SS18L1: variants seen among roughly 807,000 people sequenced by gnomAD.
SS18L1 encodes the protein SS18L1 subunit of BAF chromatin remodeling complex.
SS18L1 carries 32 observed loss-of-function variants against 70.3 expected under a neutral mutation model. That is an observed-to-expected ratio of 0.46 (90% confidence interval 0.34 to 0.61). The LOEUF is 0.61. SS18L1 is among the 20% of genes least tolerant of loss of function. The pLI is 0.01. For missense variants in SS18L1, 430 were observed against 542.1 expected, an observed-to-expected ratio of 0.79 and a Z score of 2.05; for synonymous variants, 237 against 229.7, an observed-to-expected ratio of 1.03 and a Z score of -0.29.
intron 1 of SS18L1, among the ~76,000 whole-genome samples, chr20:62,147,128 G>A (rs932654876): frequency 6.0e-4 from 91 of 152,228 alleles, no homozygotes; most frequent in Admixed American, 1.6e-3. Context: ...CATGGGGCAG[G>A]GGCAGGGAGT....
chr20:62,147,522 TG>T (rs1267504350), intron 1 of SS18L1, among the ~76,000 whole-genome samples: 1 of 152,188 alleles, frequency 6.6e-6, no homozygotes, highest in African/African-American at 2.4e-5. Flanking sequence ...CTGCTTGGCA[TG>T]CAGTAATTGC....
intron 1 of SS18L1, among the ~76,000 whole-genome samples, chr20:62,152,750 C>T (rs186317636): frequency 1.3e-5 from 2 of 152,354 alleles, no homozygotes. Flanking sequence ...CTTCAGGCCT[C>T]TTTAAGGTCG....
At chr20:62,170,413 G>A (rs1268105741) in intron 8 of SS18L1, among the ~76,000 whole-genome samples, 2 of 152,224 alleles carry the variant, frequency 1.3e-5, no homozygotes, top group Admixed American at 6.5e-5. Flanking sequence ...GGCCGAGGCA[G>A]GAGAATGGCG....
chr20:62,170,519 A>C (rs1361609058), intron 8 of SS18L1, among the ~76,000 whole-genome samples: 2 of 152,206 alleles, frequency 1.3e-5, no homozygotes, highest in African/African-American at 2.4e-5. Context: ...AAGAAAAGAA[A>C]GAACCCTGGA....
rs753562539 is a variant in SS18L1, at chr20:62,172,808, G to A, written c.1036+7G>A. On this transcript the variant is annotated splice_region_variant and intron_variant, in intron 9 of 10. Transcript: ENST00000331758. ...GGGCAGCAGCAGGGCTACGGTAAGAGGCGAGCACGGTCCTCGGGGCCCCCC... is the reference window on the plus strand; with the variant it reads ...GGGCAGCAGCAGGGCTACGGTAAGAAGCGAGCACGGTCCTCGGGGCCCCCC... 19 of 1,612,432 alleles carry A rather than the reference G, an allele frequency of 1.2e-5. No individual in the cohort carries two copies. Among genetic ancestry groups the A allele is most frequent in the Admixed American group, 1.7e-5 (1 of 59,914 alleles).
At position 62,157,326 on chromosome 20, in the gene SS18L1, C is replaced by G. The variant is rs6121924; in HGVS notation, c.70-1346C>G. On this transcript the variant is annotated intron_variant, in intron 1 of 10. Coordinates refer to ENST00000331758, the MANE Select transcript of SS18L1 (RefSeq NM_198935.3). ...GATTTGGGGAGTGCTCCGGAGCCCT[C>G]CTGGGGCCACAGAGCACGTTCAGGA... is the stretch of plus-strand genomic sequence containing the variant. Among the ~76,000 whole-genome samples the G allele has an allele frequency of 9.3e-3, 1,419 of 152,308 alleles. 17 individuals are homozygous for G. Among genetic ancestry groups the G allele is most frequent in the African/African-American group, 0.031 (1,277 of 41,562 alleles).
intron 8 of SS18L1, among the ~76,000 whole-genome samples, chr20:62,169,811 A>C (rs925834539): frequency 6.7e-6 from 1 of 150,326 alleles, no homozygotes; most frequent in Non-Finnish European, 1.5e-5. Flanking sequence ...ATTGGCTGTC[A>C]CAGAAACTGA....
chr20:62,157,981 C>T (rs902806508), intron 1 of SS18L1, among the ~76,000 whole-genome samples: 2 of 152,320 alleles, frequency 1.3e-5, no homozygotes, highest in Admixed American at 6.5e-5. Flanking sequence ...CAGGAAGTCT[C>T]GATGCCCTTA....
intron 1 of SS18L1, among the ~76,000 whole-genome samples, chr20:62,149,380 GC>G (rs1174734814): frequency 6.6e-6 from 1 of 152,246 alleles, no homozygotes; most frequent in Non-Finnish European, 1.5e-5. Context: ...TAGGAAGGGG[GC>G]TCCTGTGACA....
rs73613548 is a variant in SS18L1 at position 62,158,383 on chromosome 20, G to A, written c.70-289G>A. On this transcript the variant is annotated intron_variant, in intron 1 of 10. Transcript: ENST00000331758. The surrounding 1 kb of genome is among the most constrained non-coding windows in gnomAD (Gnocchi z 4.5). ...CGTATACAGAACAGGCGTAGCATCC[G>A]AGATCTGGAAATTTGAAGTGCTCCA... Among the ~76,000 whole-genome samples, 44 of 151,572 alleles carry A rather than the reference G, an allele frequency of 2.9e-4. No homozygotes were observed. In the East Asian group the frequency reaches 8.3e-3, roughly 29 times the overall value.
intron 1 of SS18L1, among the ~76,000 whole-genome samples, chr20:62,155,996 A>G (rs1164277350): frequency 1.3e-5 from 2 of 152,154 alleles, no homozygotes; most frequent in South Asian, 2.1e-4. Flanking sequence ...TGTGTCTAAC[A>G]TACATGAGAA....
intron 8 of SS18L1, among the ~76,000 whole-genome samples, chr20:62,169,705 G>A (rs1480546557): frequency 6.6e-6 from 1 of 152,134 alleles, no homozygotes; most frequent in Non-Finnish European, 1.5e-5. Flanking sequence ...CTTGAACCCA[G>A]GAGGCAGAGG....
chr20:62,169,141 C>T (rs1305623775), intron 8 of SS18L1, among the ~76,000 whole-genome samples: 1 of 152,190 alleles, frequency 6.6e-6, no homozygotes, highest in African/African-American at 2.4e-5. Context: ...CTGGACAGAG[C>T]GCAGCCCCTC....
intron 1 of SS18L1, among the ~76,000 whole-genome samples, chr20:62,157,108 A>G (rs1490112991): frequency 6.6e-6 from 1 of 151,686 alleles, no homozygotes; most frequent in African/African-American, 2.4e-5. Flanking sequence ...CCAGGTGGAC[A>G]CCTTGAAAGA....
At chr20:62,153,055 C>A (rs913836501) in intron 1 of SS18L1, among the ~76,000 whole-genome samples, 2 of 152,202 alleles carry the variant, frequency 1.3e-5, no homozygotes, top group African/African-American at 4.8e-5. Context: ...CACAGTTCCA[C>A]AGGGCTGGGG....
In SS18L1 at chr20:62,171,403, C is replaced by T. The variant is rs139178981; in HGVS notation, c.917-1279C>T. Among the ~76,000 whole-genome samples the T allele has an allele frequency of 2.4e-3, 367 of 152,240 alleles. 1 individual carries two copies. Among genetic ancestry groups the T allele is most frequent in the Middle Eastern group, 0.01 (3 of 294 alleles). ...CTCGTTTGCCAGCTGTTGCTGGAAC[C>T]GGCCCTGGATTTAGAGGAAGGCGTG... On this transcript the variant is annotated intron_variant, in intron 8 of 10. Coordinates refer to ENST00000331758, the MANE Select transcript of SS18L1 (RefSeq NM_198935.3).
Position 62,179,458 on chromosome 20 carries a change from C to CT in SS18L1, c.*257dup. The CT allele has an allele frequency of 1.8e-6, 1 of 544,168 alleles. No individual in the cohort carries two copies. Among genetic ancestry groups the CT allele is most frequent in the Non-Finnish European group, 3.3e-6 (1 of 303,800 alleles). 33.7% of individuals were successfully genotyped at this position (544,168 alleles called of 1,614,324 possible). ...GTATGTCGGTACACGGAGAGGTATC[C>CT]TTTTTTTGTCCCCCGCCCCCTTCTC... On this transcript the variant is annotated 3_prime_UTR_variant, in exon 11 of 11. Transcript: ENST00000331758.
rs562653829 is a variant in SS18L1, at chr20:62,162,024, C to T, written c.376+444C>T. ...CTACTTGAGGCCAGGAGTTTGAGAC[C>T]AGCCTGGGCAATATGGCAAAGCCCC... On this transcript the variant is annotated intron_variant, in intron 4 of 10. Coordinates refer to ENST00000331758, the MANE Select transcript of SS18L1 (RefSeq NM_198935.3). Among the ~76,000 whole-genome samples, 5 of 152,184 alleles carry T rather than the reference C, an allele frequency of 3.3e-5. No homozygotes were observed. In the East Asian group the frequency reaches 9.7e-4, roughly 29 times the overall value.
chr20:62,156,485 G>A (rs1464556649), intron 1 of SS18L1, among the ~76,000 whole-genome samples: 1 of 152,192 alleles, frequency 6.6e-6, no homozygotes, highest in African/African-American at 2.4e-5. Flanking sequence ...CCAGCAGGGA[G>A]AAAAGTGGTA....
Sources: allele counts gnomAD v4.1 joint callset (sites outside exome capture counted in the v4.1 genomes callset), GRCh38; gene constraint gnomAD v4.1.1; non-coding constraint Gnocchi (gnomAD v3.1); transcripts MANE v1.5; gene names NCBI Gene and HGNC (gene_info 2026-07-23, HGNC 2026-07-21).